The following KCNN2 variants were observed in gnomAD, a reference collection of about 807,000 sequenced individuals.
KCNN2 encodes the protein potassium calcium-activated channel subfamily N member 2.
In KCNN2, 24 loss-of-function variants were observed where a neutral mutation model predicts 55.5. That is an observed-to-expected ratio of 0.43 (90% confidence interval 0.31 to 0.61). The LOEUF is 0.61. Among genes scored for constraint, KCNN2 ranks in the 20% least tolerant of loss-of-function variants. KCNN2 has a pLI of 0.08. For synonymous variants in KCNN2, 431 were observed against 336.1 expected (o/e 1.28, Z -3.09); for missense variants, 754 against 853.6 (o/e 0.88, Z 1.45).
intron 1 of KCNN2, among the ~76,000 whole-genome samples, chr5:114,101,660 C>T (rs1256409183): frequency 6.6e-6 from 1 of 151,896 alleles, no homozygotes; most frequent in Admixed American, 6.6e-5. Flanking sequence ...GTTCAACCCC[C>T]ACTTATGAGT....
At chr5:114,385,741 T>C (rs55914631) in intron 2 of KCNN2, among the ~76,000 whole-genome samples, 4,525 of 152,148 alleles carry the variant, frequency 0.03, 202 homozygotes, top group African/African-American at 0.1. Flanking sequence ...CCTTCTTCTG[T>C]ATTAGTATCC....
At chr5:114,157,401 A>G (rs1752659429) in intron 1 of KCNN2, among the ~76,000 whole-genome samples, 2 of 151,976 alleles carry the variant, frequency 1.3e-5, no homozygotes, top group African/African-American at 4.8e-5. Flanking sequence ...AATCCAGTCT[A>G]TCATTGTTGG....
chr5:114,339,627 AC>A (rs2150036011), intron 2 of KCNN2, among the ~76,000 whole-genome samples: 2 of 151,824 alleles, frequency 1.3e-5, no homozygotes, highest in South Asian at 4.2e-4. Flanking sequence ...ACATGGAGAA[AC>A]CCCATCTCTA....
intron 1 of KCNN2, among the ~76,000 whole-genome samples, chr5:114,132,847 A>G (rs902918581): frequency 1.3e-5 from 2 of 152,218 alleles, no homozygotes; most frequent in Admixed American, 6.5e-5. Flanking sequence ...ATTTTGCATC[A>G]TGATTATACG....
intron 1 of KCNN2, among the ~76,000 whole-genome samples, chr5:114,124,257 A>G (rs1333390493): frequency 6.6e-6 from 1 of 152,116 alleles, no homozygotes; most frequent in Non-Finnish European, 1.5e-5. Context: ...CCTTTAGGGG[A>G]CTCTTCATAA....
In KCNN2 at chr5:114,395,456, C is replaced by G. The variant is rs567087884; in HGVS notation, c.1219-8982C>G. Among the ~76,000 whole-genome samples, 9 of 152,214 alleles carry G rather than the reference C, an allele frequency of 5.9e-5. No homozygotes were observed. In the South Asian group the frequency reaches 8.3e-4, roughly 14 times the overall value. On this transcript the variant is annotated intron_variant, in intron 2 of 7. Transcript: ENST00000673685. ...AGGTAGATTAAACTGTTCTTCTGAC[C>G]TAAAATCTTTCATCTCTTAACAACC...
chr5:114,405,835 C>T (rs1205786806), intron 3 of KCNN2, among the ~76,000 whole-genome samples: 3 of 151,774 alleles, frequency 2.0e-5, no homozygotes, highest in African/African-American at 4.8e-5. Context: ...CTCAGCCTCC[C>T]GAGTAGCTGG....
intron 2 of KCNN2, among the ~76,000 whole-genome samples, chr5:114,272,981 A>G (rs1311077265): frequency 6.6e-6 from 1 of 151,834 alleles, no homozygotes; most frequent in African/African-American, 2.4e-5. Context: ...GCACCCAAAA[A>G]CCTGTCACCT....
intron 1 of KCNN2, among the ~76,000 whole-genome samples, chr5:114,156,462 C>G (rs559021682): frequency 1.3e-5 from 2 of 152,158 alleles, no homozygotes; most frequent in Admixed American, 1.3e-4. Context: ...AATCTATAAA[C>G]TGCTTTGGGA....
At chr5:114,247,243 AC>A (rs927727927) in intron 2 of KCNN2, among the ~76,000 whole-genome samples, 1 of 149,114 alleles carries the variant, frequency 6.7e-6, no homozygotes, top group African/African-American at 2.5e-5. Context: ...AGAAAGAGTG[AC>A]CTGGCTAAAT....
At chr5:114,063,281 G>C (rs901845414) in intron 1 of KCNN2, among the ~76,000 whole-genome samples, 13 of 152,198 alleles carry the variant, frequency 8.5e-5, no homozygotes, top group African/African-American at 2.9e-4. Context: ...CTTTGACAGG[G>C]CATCTCTGGC....
At chr5:114,465,087 A>G (rs1761379205) in intron 4 of KCNN2, among the ~76,000 whole-genome samples, 1 of 152,110 alleles carries the variant, frequency 6.6e-6, no homozygotes, top group South Asian at 2.1e-4. Context: ...TTCTCCAATC[A>G]GGTGTGACTC....
intron 2 of KCNN2, among the ~76,000 whole-genome samples, chr5:114,365,380 G>A (rs891869389): frequency 1.3e-5 from 2 of 152,158 alleles, no homozygotes; most frequent in African/African-American, 4.8e-5. Flanking sequence ...TGATGGTTGG[G>A]CTTTTGAGAT....
intron 2 of KCNN2, among the ~76,000 whole-genome samples, chr5:114,357,023 C>T (rs1193066741): frequency 6.6e-6 from 1 of 151,836 alleles, no homozygotes; most frequent in African/African-American, 2.4e-5. Context: ...GTTGACTCAC[C>T]CAGGCAAAGA....
At chr5:114,308,453 C>T (rs1474681093) in intron 2 of KCNN2, among the ~76,000 whole-genome samples, 1 of 152,176 alleles carries the variant, frequency 6.6e-6, no homozygotes, top group East Asian at 1.9e-4. Context: ...GGCCATGTTG[C>T]AGGTGACTGA....
At chr5:114,258,167 C>T (rs371795787) in intron 2 of KCNN2, among the ~76,000 whole-genome samples, 15 of 152,068 alleles carry the variant, frequency 9.9e-5, no homozygotes, top group African/African-American at 3.6e-4. Flanking sequence ...ATATGTTGAA[C>T]CATCTTCGCA....
intron 2 of KCNN2, among the ~76,000 whole-genome samples, chr5:114,333,279 G>C (rs1378807221): frequency 6.6e-6 from 1 of 152,220 alleles, no homozygotes; most frequent in Non-Finnish European, 1.5e-5. Context: ...AACCTTACAA[G>C]ACAATAAGGT....
chr5:114,284,475 A>G (rs1755694438), intron 2 of KCNN2, among the ~76,000 whole-genome samples: 1 of 152,038 alleles, frequency 6.6e-6, no homozygotes, highest in African/African-American at 2.4e-5. Flanking sequence ...TCACATAACA[A>G]ACTAATCCAG....
intron 2 of KCNN2, among the ~76,000 whole-genome samples, chr5:114,339,810 C>CAAACAAATAAAT (rs1554082210): frequency 7.6e-6 from 1 of 132,290 alleles, no homozygotes; most frequent in East Asian, 2.1e-4. Flanking sequence ...CACAAACAAA[C>CAAACAAATAAAT]AAACAAATAA....
Sources: allele counts gnomAD v4.1 joint callset (sites outside exome capture counted in the v4.1 genomes callset), GRCh38; gene constraint gnomAD v4.1.1; transcripts MANE v1.5; gene names NCBI Gene and HGNC (gene_info 2026-07-23, HGNC 2026-07-21).